The following DNAJC3 variants were observed in gnomAD, a reference collection of about 807,000 sequenced individuals.
DNAJC3 encodes dnaJ homolog subfamily C member 3.
A neutral mutation model predicts 68.6 loss-of-function variants in DNAJC3; 38 were observed. The ratio of observed to expected loss-of-function variants is 0.55; its 90% CI spans 0.43 to 0.73. The LOEUF (loss-of-function observed/expected upper bound fraction) is 0.73. Ranked by LOEUF, DNAJC3 falls within the 30% of genes least tolerant of loss-of-function variation. The pLI is 0.00. For missense variants in DNAJC3, 526 were observed against 591.9 expected, an observed-to-expected ratio of 0.89 and a Z score of 1.16; for synonymous variants, 203 against 204.0, an observed-to-expected ratio of 1.00 and a Z score of 0.04.
intron 1 of DNAJC3, among the ~76,000 whole-genome samples, chr13:95,700,367 T>C (rs184803638): frequency 6.6e-6 from 1 of 152,208 alleles, no homozygotes; most frequent in South Asian, 2.1e-4. Flanking sequence ...TCAAGTAATA[T>C]GCCAAAAAAT....
In DNAJC3 at chr13:95,709,409, T is replaced by C; in HGVS notation, c.193+72T>C. The C allele has an allele frequency of 4.7e-6, 5 of 1,065,340 alleles. No individual in the cohort carries two copies. In the East Asian group the frequency reaches 1.5e-4, roughly 31 times the overall value. The allele number at this position is 1,065,340 out of a possible 1,614,324, so 66.0% of individuals were successfully genotyped here. A position where few individuals can be genotyped will look rare whatever the true frequency, so the allele number is the denominator to read the frequency against. ...CTAGTAATAGCTCTTTTTTTAAAAA[T>C]AACATTTAAAATAAACATTATTTCA... On this transcript the variant is annotated intron_variant, in intron 2 of 11. Coordinates refer to ENST00000602402, the MANE Select transcript of DNAJC3 (RefSeq NM_006260.5).
intron 9 of DNAJC3, among the ~76,000 whole-genome samples, chr13:95,777,943 T>G (rs924886995): frequency 2.0e-5 from 3 of 152,216 alleles, no homozygotes; most frequent in Non-Finnish European, 4.4e-5. Context: ...ATTGAAATTT[T>G]ATAGACTATG....
intron 9 of DNAJC3, among the ~76,000 whole-genome samples, chr13:95,775,760 A>G (rs1461646998): frequency 1.3e-5 from 2 of 152,168 alleles, no homozygotes; most frequent in African/African-American, 4.8e-5. Flanking sequence ...AGGAGATGCA[A>G]TCATTTCACC....
chr13:95,698,607 TGTC>T (rs1880510937), intron 1 of DNAJC3, among the ~76,000 whole-genome samples: 1 of 152,186 alleles, frequency 6.6e-6, no homozygotes, highest in African/African-American at 2.4e-5. Context: ...TGCACAGTGT[TGTC>T]TGTCTCCAGG....
chr13:95,763,446 G>T (rs73554949), intron 7 of DNAJC3, among the ~76,000 whole-genome samples, 197 bp from the exon 8 acceptor site: 2,273 of 152,262 alleles, frequency 0.015, 59 homozygotes, highest in African/African-American at 0.052. Flanking sequence ...ATGGTCATAT[G>T]TTTTTATTTC....
chr13:95,724,967 G>A (rs1303528938), intron 3 of DNAJC3, among the ~76,000 whole-genome samples: 2 of 151,996 alleles, frequency 1.3e-5, no homozygotes, highest in African/African-American at 4.8e-5. Flanking sequence ...GTTTTCTTGG[G>A]TAGAACAAAA....
chr13:95,778,747 A>G (rs999051554), intron 9 of DNAJC3, among the ~76,000 whole-genome samples: 1 of 152,216 alleles, frequency 6.6e-6, no homozygotes, highest in Non-Finnish European at 1.5e-5. Flanking sequence ...TGAGAATTGT[A>G]GCTATTTAGA....
At chr13:95,740,650 A>G (rs1376699390) in intron 4 of DNAJC3, among the ~76,000 whole-genome samples, 4 of 151,048 alleles carry the variant, frequency 2.6e-5, no homozygotes, top group African/African-American at 9.7e-5. Context: ...AAGTGAGGCA[A>G]TGCCTCGCCC....
At chr13:95,748,492 A>G (rs1882377542) in intron 4 of DNAJC3, among the ~76,000 whole-genome samples, 1 of 152,180 alleles carries the variant, frequency 6.6e-6, no homozygotes, top group African/African-American at 2.4e-5. Flanking sequence ...AAGGATCATT[A>G]TATTGTTTCA....
At chr13:95,726,700 G>A (rs1369419369) in intron 4 of DNAJC3, among the ~76,000 whole-genome samples, 1 of 152,098 alleles carries the variant, frequency 6.6e-6, no homozygotes, top group Non-Finnish European at 1.5e-5. Context: ...GCCCTCATTA[G>A]GCTTGTTTTA....
chr13:95,711,980 G>C (rs1387450432), intron 2 of DNAJC3, among the ~76,000 whole-genome samples: 1 of 152,086 alleles, frequency 6.6e-6, no homozygotes, highest in African/African-American at 2.4e-5. Flanking sequence ...TGAATCTAAA[G>C]TTTAAAGAAG....
intron 7 of DNAJC3, among the ~76,000 whole-genome samples, chr13:95,761,960 C>T (rs546700413): frequency 2.0e-4 from 30 of 152,180 alleles, no homozygotes; most frequent in South Asian, 1.5e-3. Flanking sequence ...CATATTGTAT[C>T]AATAATTCCT....
intron 9 of DNAJC3, among the ~76,000 whole-genome samples, chr13:95,780,961 T>C (rs1487736212): frequency 6.6e-6 from 1 of 152,158 alleles, no homozygotes; most frequent in African/African-American, 2.4e-5. Flanking sequence ...GAGTCGCTTG[T>C]AGCTGTGTGC....
intron 4 of DNAJC3, among the ~76,000 whole-genome samples, chr13:95,757,111 C>T (rs1260734930): frequency 6.6e-6 from 1 of 152,100 alleles, no homozygotes; most frequent in African/African-American, 2.4e-5. Flanking sequence ...AGGTATTACT[C>T]TTATTTCCTT....
chr13:95,679,199 CTTTTT>C (rs3086610), intron 1 of DNAJC3, among the ~76,000 whole-genome samples: 46 of 108,390 alleles, frequency 4.2e-4, no homozygotes, highest in African/African-American at 1.1e-3. Context: ...AAAATCAGCA[CTTTTT>C]TTTTTTTTTT....
intron 9 of DNAJC3, among the ~76,000 whole-genome samples, chr13:95,774,305 A>G (rs183297502): frequency 2.3e-4 from 35 of 152,242 alleles, no homozygotes; most frequent in African/African-American, 8.2e-4. Flanking sequence ...TGCATGGATT[A>G]TGTATAGGTG....
At chr13:95,771,866 T>A (rs568313017) in intron 9 of DNAJC3, among the ~76,000 whole-genome samples, 1 of 148,810 alleles carries the variant, frequency 6.7e-6, no homozygotes, top group African/African-American at 2.4e-5. Context: ...GATCTTCATA[T>A]AAATACAGCC....
At chr13:95,763,087 T>C (rs1188527711) in intron 7 of DNAJC3, among the ~76,000 whole-genome samples, 2 of 152,240 alleles carry the variant, frequency 1.3e-5, no homozygotes, top group Non-Finnish European at 2.9e-5. Context: ...TAGTACTTTT[T>C]ACTGGTTTAA....
At chr13:95,697,208 C>G (rs950588439) in intron 1 of DNAJC3, among the ~76,000 whole-genome samples, 2 of 152,100 alleles carry the variant, frequency 1.3e-5, no homozygotes, top group African/African-American at 2.4e-5. Flanking sequence ...TCTTATAGGT[C>G]TAGTCTAGTG....
Sources: allele counts gnomAD v4.1 joint callset (sites outside exome capture counted in the v4.1 genomes callset), GRCh38; gene constraint gnomAD v4.1.1; transcripts MANE v1.5; gene names NCBI Gene and HGNC (gene_info 2026-07-23, HGNC 2026-07-21).